The following ANKRD13D variants were observed in gnomAD, a reference collection of about 807,000 sequenced individuals.
ANKRD13D encodes the protein ankyrin repeat domain 13D.
ANKRD13D carries 24 observed loss-of-function variants against 68.8 expected under a neutral mutation model. That is an observed-to-expected ratio of 0.35 (90% CI 0.25 to 0.49). The LOEUF is 0.49. ANKRD13D is among the 20% of genes least tolerant of loss of function. The pLI is 0.99. For missense variants in ANKRD13D, 735 were observed against 832.1 expected (o/e 0.88, Z 1.44); for synonymous variants, 331 against 336.1 (o/e 0.98, Z 0.16).
intron 1 of ANKRD13D, 65 bp from the exon 2 acceptor site, chr11:67,290,012 GC>G: frequency 6.7e-7 from 1 of 1,490,946 alleles, no homozygotes; most frequent in Non-Finnish European, 8.9e-7. Flanking sequence ...AACCCTGCTC[GC>G]CCTGGCAGCC....
rs1294918361 is a variant in ANKRD13D, at chr11:67,290,209, G to A, written c.222G>A (p.Trp74Ter). 1 of 1,539,712 alleles carries A rather than the reference G, an allele frequency of 6.5e-7. No homozygotes were observed. Among genetic ancestry groups the A allele is most frequent in the Admixed American group, 2.0e-5 (1 of 51,010 alleles). ...ANVGKENRQG[W>*]AVLQEAVSTG... ...TGGGCAAAGAGAACCGCCAGGGCTGGGCAGGTACTGCAGAGGACAAGGGGC... is the reference window on the plus strand; with the variant it reads ...TGGGCAAAGAGAACCGCCAGGGCTGAGCAGGTACTGCAGAGGACAAGGGGC... The change falls in exon 2 of 15, where the codon TGG (tryptophan) becomes TGA (stop). Residue 74 changes from tryptophan (W) to a stop codon, truncating the protein, a stop_gained. Transcript: ENST00000511455. LOFTEE classifies it high-confidence loss of function.
In ANKRD13D at chr11:67,301,888, T is replaced by C. The variant is rs1194166484; in HGVS notation, c.1604+65T>C. The stretch of plus-strand genomic sequence containing the variant: ...AGCCCTGGCTTGGCGGGGAGGGGGA[T>C]AGCAGGAAGGTGCTAGGACCCCAGG... On this transcript the variant is annotated intron_variant, in intron 14 of 14. Coordinates refer to ENST00000511455, the MANE Select transcript of ANKRD13D (RefSeq NM_207354.3). The surrounding 1 kb of genome is among the most constrained non-coding windows in gnomAD (Gnocchi z 4.5). The C allele has an allele frequency of 1.2e-5, 18 of 1,498,262 alleles. No homozygotes were observed. Among genetic ancestry groups the C allele is most frequent in the Non-Finnish European group, 1.4e-5 (16 of 1,114,678 alleles). The allele number at this position is 1,498,262 out of a possible 1,614,324, so 92.8% of individuals were successfully genotyped here.
Position 67,289,736 on chromosome 11 carries a change from C to G in ANKRD13D, c.90+186C>G, listed in dbSNP as rs1323456538. 4.3e-6 allele frequency: 6 copies of G among 1,405,146 alleles called. No individual in the cohort carries two copies. The African/African-American group carries it at 8.9e-5, about 21-fold the overall frequency. 87.0% of individuals were successfully genotyped at this position (1,405,146 alleles called of 1,614,324 possible). ...CGCGCCTGAGCCTCTGGCCTCCTCT[C>G]CCCTGCGCTGGGCCTTGCCCTGCTC... On this transcript the variant is annotated intron_variant, in intron 1 of 14. Transcript: ENST00000511455.
chr11:67,291,637 G>T lies in ANKRD13D; in HGVS notation c.432G>T (p.Val144=), dbSNP rs151299952. ...PLVSKMCPSD[V]YRVWKRGESL... is the part of the protein sequence containing the mutation. ...TGTCTAAGATGTGCCCAAGCGATGTGTACCGCGTGTGGAAGCGGGGTGAGA... is the reference window on the plus strand; with the variant it reads ...TGTCTAAGATGTGCCCAAGCGATGTTTACCGCGTGTGGAAGCGGGGTGAGA... Residue 144 remains valine, a synonymous_variant, in exon 5 of 15, where the codon GTG becomes GTT. Transcript: ENST00000511455. 1.3e-5 allele frequency: 21 copies of T among 1,614,092 alleles called. No homozygotes were observed. The highest frequency in any genetic ancestry group is 1.7e-5 in the Non-Finnish European group (20 of 1,180,050).
In ANKRD13D at chr11:67,300,884, G is replaced by T; in HGVS notation, c.1074-106G>T. The T allele has an allele frequency of 7.0e-7, 1 of 1,421,090 alleles. No individual in the cohort carries two copies. Among genetic ancestry groups the T allele is most frequent in the South Asian group, 1.3e-5 (1 of 75,674 alleles). The allele number at this position is 1,421,090 out of a possible 1,614,324, so 88.0% of individuals were successfully genotyped here. A position where few individuals can be genotyped will look rare whatever the true frequency, so the allele number is the denominator to read the frequency against. On this transcript the variant is annotated intron_variant, in intron 10 of 14. Coordinates refer to ENST00000511455, the MANE Select transcript of ANKRD13D (RefSeq NM_207354.3). This position sits in a 1 kb window ranked among gnomAD's most constrained non-coding sequence, Gnocchi z 4.3. ...ATCTGAGCAGAGCAGGGCACTCCAG[G>T]CCAGGCAGAAGGTGGGTAAAGGCAG...
Position 67,292,017 on chromosome 11 carries a change from G to A in ANKRD13D, c.568G>A (p.Asp190Asn). The A allele has an allele frequency of 1.3e-6, 2 of 1,590,184 alleles. No homozygotes were observed. The highest frequency in any genetic ancestry group is 1.7e-6 in the Non-Finnish European group (2 of 1,163,122). The change falls in exon 6 of 15, where the codon GAC (aspartate) becomes AAC (asparagine). Residue 190 changes from aspartate (D) to asparagine (N), a missense_variant. Transcript: ENST00000511455. The part of the protein sequence containing the change: ...QEAGALVMEV[D>N]HDRQVVHVET... ...GGCAGGAGCCCTGGTGATGGAAGTG[G>A]ACCATGACCGGCAGGTGGTGCATGT...
intron 6 of ANKRD13D, among the ~76,000 whole-genome samples, chr11:67,293,286 G>C (rs145855005): frequency 6.6e-6 from 1 of 152,106 alleles, no homozygotes; most frequent in Admixed American, 6.6e-5. Context: ...GAGGGTTCCA[G>C]TTTCTCCACA....
Position 67,299,940 on chromosome 11 carries a change from G to A in ANKRD13D, c.942+52G>A. 2 of 1,577,200 alleles carry A rather than the reference G, an allele frequency of 1.3e-6. No individual in the cohort carries two copies. The highest frequency in any genetic ancestry group is 1.3e-5 in the African/African-American group (1 of 74,476). ...GCTGGCGGGGGGCCGAGCCTGGGCG[G>A]GAGGGCACCCTCTGTCACCTTGATG... On this transcript the variant is annotated intron_variant, in intron 9 of 14. Coordinates refer to ENST00000511455, the MANE Select transcript of ANKRD13D (RefSeq NM_207354.3). This position sits in a 1 kb window ranked among gnomAD's most constrained non-coding sequence, Gnocchi z 6.2.
At position 67,300,135 on chromosome 11, in the gene ANKRD13D, G is replaced by C. The variant is rs1250773133; in HGVS notation, c.1073+12G>C. 1 of 1,613,688 alleles carries C rather than the reference G, an allele frequency of 6.2e-7. No individual in the cohort carries two copies. Among genetic ancestry groups the C allele is most frequent in the South Asian group, 1.1e-5 (1 of 91,076 alleles). On this transcript the variant is annotated intron_variant, in intron 10 of 14. Coordinates refer to ENST00000511455, the MANE Select transcript of ANKRD13D (RefSeq NM_207354.3). The surrounding 1 kb of genome is among the most constrained non-coding windows in gnomAD (Gnocchi z 4.3). ...AGCAAAGTACAGAGGTGAGGTCTGA[G>C]AGCTGGCTGGGGACTTGCCTCGGGA...
Position 67,301,870 on chromosome 11 carries a change from G to A in ANKRD13D, c.1604+47G>A. The A allele has an allele frequency of 6.5e-7, 1 of 1,531,114 alleles. No individual in the cohort carries two copies. Among genetic ancestry groups the A allele is most frequent in the Non-Finnish European group, 8.8e-7 (1 of 1,135,852 alleles). The allele number at this position is 1,531,114 out of a possible 1,614,324, so 94.8% of individuals were successfully genotyped here. A position where few individuals can be genotyped will look rare whatever the true frequency, so the allele number is the denominator to read the frequency against. On this transcript the variant is annotated intron_variant, in intron 14 of 14. Transcript: ENST00000511455. The surrounding 1 kb of genome is among the most constrained non-coding windows in gnomAD (Gnocchi z 4.5). Reference sequence around the variant, plus strand: ...CTGGGTCCCTGTCCCCCCAGCCCTGGCTTGGCGGGGAGGGGGATAGCAGGA... The same window carrying A: ...CTGGGTCCCTGTCCCCCCAGCCCTGACTTGGCGGGGAGGGGGATAGCAGGA...
chr11:67,290,329 G>A lies in ANKRD13D; in HGVS notation c.234G>A (p.Gln78=). ...KENRQGWAVL[Q]EAVSTGDPEM... ...GCAGCCTGGTGCCCGCAGTCCTGCAGGAGGCAGTCAGCACTGGAGACCCCG... is the reference window on the plus strand; with the variant it reads ...GCAGCCTGGTGCCCGCAGTCCTGCAAGAGGCAGTCAGCACTGGAGACCCCG... Residue 78 remains glutamine, a synonymous_variant, in exon 3 of 15, where the codon CAG becomes CAA. Coordinates refer to ENST00000511455, the MANE Select transcript of ANKRD13D (RefSeq NM_207354.3). 6.4e-7 allele frequency: 1 copy of A among 1,554,424 alleles called. No homozygotes were observed. The highest frequency in any genetic ancestry group is 1.8e-4 in the Middle Eastern group (1 of 5,610).
At chr11:67,291,435 C>T (rs1375739492) in intron 3 of ANKRD13D, 41 bp from the exon 4 acceptor site, 7 of 1,611,802 alleles carry the variant, frequency 4.3e-6, no homozygotes, top group Non-Finnish European at 5.9e-6. Context: ...CTGGAGCCAG[C>T]AGCAGGCAGG....
Position 67,299,143 on chromosome 11 carries a change from GGGGGGCTGGGGGTA to G in ANKRD13D, c.798+22_798+35del. On this transcript the variant is annotated intron_variant, in intron 7 of 14. Transcript: ENST00000511455. The surrounding 1 kb of genome is among the most constrained non-coding windows in gnomAD (Gnocchi z 6.2). Reference sequence around the variant, plus strand: ...GGCCAAGGCAGGAGAGGCTAGGGGTGGGGGGCTGGGGGTAGGAGATGAGGTCCAGGAACTCAGCT... The same window carrying G: ...GGCCAAGGCAGGAGAGGCTAGGGGTGGGAGATGAGGTCCAGGAACTCAGCT... 6.3e-7 allele frequency: 1 copy of G among 1,599,580 alleles called. No individual in the cohort carries two copies. Among genetic ancestry groups the G allele is most frequent in the Non-Finnish European group, 8.6e-7 (1 of 1,167,896 alleles).
Position 67,302,159 on chromosome 11 carries a change from G to A in ANKRD13D, c.1645G>A (p.Gly549Ser). Residue 549 changes from glycine to serine, a missense_variant, in exon 15 of 15, where the codon GGC becomes AGC. Physicochemically the swap from Gly to Ser is moderately conservative, Grantham distance 56. Transcript: ENST00000511455. ...ESLQLSTEPRGPGSPPRTPPA... is the reference protein window; with the variant it reads ...ESLQLSTEPRSPGSPPRTPPA... ...CCTGCAGCTGTCCACAGAGCCCAGG[G>A]GCCCAGGATCCCCTCCCAGGACACC... The A allele has an allele frequency of 6.3e-7, 1 of 1,596,390 alleles. No homozygotes were observed. Among genetic ancestry groups the A allele is most frequent in the East Asian group, 2.3e-5 (1 of 44,244 alleles).
chr11:67,295,327 G>T (rs760353360), intron 6 of ANKRD13D, among the ~76,000 whole-genome samples: 12 of 152,078 alleles, frequency 7.9e-5, no homozygotes, highest in Non-Finnish European at 1.0e-4. Flanking sequence ...TGAGGCAGGA[G>T]AATGGTGTGA....
Position 67,300,004 on chromosome 11 carries a change from G to C in ANKRD13D, c.954G>C (p.Gln318His), listed in dbSNP as rs1298721843. The C allele has an allele frequency of 5.0e-6, 8 of 1,613,004 alleles. No individual in the cohort carries two copies. In the South Asian group the frequency reaches 8.8e-5, roughly 18 times the overall value. Reference sequence around the variant, plus strand: ...TGGGACCCACGCAGGCCCCCGTGCAGCAGGCAGCCAGCCCCACCAACCCCA... The same window carrying C: ...TGGGACCCACGCAGGCCCCCGTGCACCAGGCAGCCAGCCCCACCAACCCCA... The part of the protein sequence containing the change: ...QHSSHTGAPV[Q>H]QAASPTNPTA... Residue 318 changes from glutamine to histidine, a missense_variant, in exon 10 of 15, where the codon CAG becomes CAC. Physicochemically the swap from Gln to His is conservative, Grantham distance 24. Coordinates refer to ENST00000511455, the MANE Select transcript of ANKRD13D (RefSeq NM_207354.3). The surrounding 1 kb of genome is among the most constrained non-coding windows in gnomAD (Gnocchi z 4.3).
chr11:67,298,893 C>T (rs1860863883), intron 6 of ANKRD13D, 165 bp from the exon 7 acceptor site: 2 of 686,532 alleles, frequency 2.9e-6, no homozygotes, highest in South Asian at 3.3e-5. Flanking sequence ...AAGTGTCCCC[C>T]CCTGTCCAGG....
At chr11:67,297,895 T>C (rs1233402264) in intron 6 of ANKRD13D, 4 of 152,114 alleles carry the variant, frequency 2.6e-5, no homozygotes, top group Non-Finnish European at 5.9e-5. Context: ...TTTTGATTTA[T>C]TATTTGAGAC....
In ANKRD13D at chr11:67,299,197, TC is replaced by T; in HGVS notation, c.798+76del. The stretch of plus-strand genomic sequence containing the variant: ...GGAACTCAGCTCCTCTCCACATCCA[TC>T]CCAGAGTAGCCCCTGGGCTCTGGAA... On this transcript the variant is annotated intron_variant, in intron 7 of 14. Coordinates refer to ENST00000511455, the MANE Select transcript of ANKRD13D (RefSeq NM_207354.3). The surrounding 1 kb of genome is among the most constrained non-coding windows in gnomAD (Gnocchi z 6.2). 1 of 1,554,612 alleles carries T rather than the reference TC, an allele frequency of 6.4e-7. No individual in the cohort carries two copies. The highest frequency in any genetic ancestry group is 8.8e-7 in the Non-Finnish European group (1 of 1,131,142).
Sources: gnomAD v4.1 joint callset for allele counts (sites outside exome capture counted in the v4.1 genomes callset) on GRCh38, gnomAD v4.1.1 for gene constraint, Gnocchi (gnomAD v3.1) non-coding constraint, MANE v1.5 for transcripts, NCBI Gene and HGNC (gene_info 2026-07-23, HGNC 2026-07-21) for gene names.